ARSG: variants seen among roughly 807,000 people sequenced by gnomAD.
ARSG encodes the protein ASG.
ARSG carries 37 observed loss-of-function variants against 50.5 expected under a neutral mutation model. That is an observed-to-expected ratio of 0.73 (90% confidence interval 0.56 to 0.96). The LOEUF (loss-of-function observed/expected upper bound fraction) is 0.96, where lower values mean the gene tolerates loss of function less well. ARSG is among the 50% of genes least tolerant of loss of function. ARSG has a pLI of 0.00. For synonymous variants in ARSG, 225 were observed against 254.6 expected, an observed-to-expected ratio of 0.88 and a Z score of 1.11; for missense variants, 629 against 675.3, an observed-to-expected ratio of 0.93 and a Z score of 0.76.
the ARSG span, among the ~76,000 whole-genome samples, chr17:68,427,882 T>A: frequency 1.3e-5 from 2 of 151,964 alleles, no homozygotes; most frequent in East Asian, 3.9e-4. Context: ...GCATGAGTGC[T>A]TTTCTTTTGT....
At chr17:68,435,522 C>T in the ARSG span, 1 of 1,171,222 alleles carries the variant, frequency 8.5e-7, no homozygotes, top group South Asian at 1.3e-5. Flanking sequence ...AGAGACCAGT[C>T]AGTCTTCATG....
intron 11 of ARSG, among the ~76,000 whole-genome samples, chr17:68,416,616 T>C (rs2082380557): frequency 6.6e-6 from 1 of 152,202 alleles, no homozygotes; most frequent in Non-Finnish European, 1.5e-5. Context: ...TTCTTAGATT[T>C]GGTCGTTTAA....
At chr17:68,335,811 T>C (rs1193305203) in intron 2 of ARSG, among the ~76,000 whole-genome samples, 2 of 152,148 alleles carry the variant, frequency 1.3e-5, no homozygotes, top group Non-Finnish European at 2.9e-5. Context: ...CACAGATGCA[T>C]GGGAGTAATG....
chr17:68,406,473 G>A (rs973089186), intron 11 of ARSG, among the ~76,000 whole-genome samples: 4 of 152,132 alleles, frequency 2.6e-5, no homozygotes, highest in South Asian at 2.1e-4. Context: ...TTTCCATAGC[G>A]GCTATACTAG....
At chr17:68,298,628 TACTGTAGACTAACA>T (rs1447254965) in intron 1 of ARSG, among the ~76,000 whole-genome samples, 1 of 143,986 alleles carries the variant, frequency 6.9e-6, no homozygotes, top group Non-Finnish European at 1.5e-5. Flanking sequence ...AGAAGAACAC[TACTGTAGACTAACA>T]ACAGAAATTT....
At chr17:68,287,262 G>T (rs2075861951), upstream of ARSG, among the ~76,000 whole-genome samples, 1 of 151,794 alleles carries the variant, frequency 6.6e-6, no homozygotes, top group Non-Finnish European at 1.5e-5. Context: ...TTAAACGTTA[G>T]ATAGTATCTA....
At chr17:68,346,633 C>G in intron 3 of ARSG, 1 of 923,846 alleles carries the variant, frequency 1.1e-6, no homozygotes, top group African/African-American at 1.7e-5. Context: ...CATTTGCTGC[C>G]CCGTAGGTGT....
chr17:68,324,957 A>C (rs1307262841), intron 2 of ARSG, among the ~76,000 whole-genome samples: 1 of 152,068 alleles, frequency 6.6e-6, no homozygotes, highest in African/African-American at 2.4e-5. Flanking sequence ...TTACATAATG[A>C]AATTATCCAC....
Position 68,343,630 on chromosome 17 carries a change from C to A in ARSG, c.245C>A (p.Ser82Tyr). Reference sequence around the variant, plus strand: ...TTTGTGGATTTCCATGCAGCTGCCTCCACCTGCTCACCCTCCCGGGCTTCC... The same window carrying A: ...TTTGTGGATTTCCATGCAGCTGCCTACACCTGCTCACCCTCCCGGGCTTCC... ...MRFVDFHAAA[S>Y]TCSPSRASLL... The change falls in exon 3 of 12, where the codon TCC becomes TAC. Residue 82 changes from serine to tyrosine, a missense_variant. By Grantham distance (144) the Ser-to-Tyr change is moderately radical. Transcript: ENST00000621439. 1.2e-6 allele frequency: 2 copies of A among 1,612,908 alleles called. No homozygotes were observed. Among genetic ancestry groups the A allele is most frequent in the Non-Finnish European group, 1.7e-6 (2 of 1,179,232 alleles).
At chr17:68,438,045 CA>C in the ARSG span, among the ~76,000 whole-genome samples, 4 of 148,304 alleles carry the variant, frequency 2.7e-5, no homozygotes, top group Non-Finnish European at 4.5e-5. Context: ...AACTTTAGGT[CA>C]GGCTGAAACA....
At chr17:68,449,692 C>T in the ARSG span, among the ~76,000 whole-genome samples, 2 of 152,218 alleles carry the variant, frequency 1.3e-5, no homozygotes, top group Non-Finnish European at 2.9e-5. Context: ...TGAATCAAAG[C>T]TCCCTGAGCC....
chr17:68,400,151 G>A (rs2081411760), intron 10 of ARSG: 1 of 152,176 alleles, frequency 6.6e-6, no homozygotes, highest in Non-Finnish European at 1.5e-5. Context: ...TGGAAACTTT[G>A]AATCATGTAA....
intron 8 of ARSG, 36 bp from the exon 9 acceptor site, chr17:68,385,028 C>T (rs1396324048): frequency 1.3e-6 from 2 of 1,562,502 alleles, no homozygotes; most frequent in African/African-American, 1.4e-5. Flanking sequence ...CGAGTTATCA[C>T]CATGGATGAA....
chr17:68,387,930 T>C (rs1010206030), intron 9 of ARSG, among the ~76,000 whole-genome samples: 6 of 151,854 alleles, frequency 4.0e-5, no homozygotes, highest in Non-Finnish European at 8.8e-5. Context: ...ATGGATCCCA[T>C]TGGTTTTAGA....
At chr17:68,433,315 G>A in the ARSG span, 2 of 716,520 alleles carry the variant, frequency 2.8e-6, no homozygotes, top group South Asian at 2.0e-5. Flanking sequence ...TGCCTCCAAA[G>A]TTTTGCTAAC....
intron 2 of ARSG, among the ~76,000 whole-genome samples, chr17:68,323,705 C>T (rs1555771381): frequency 6.6e-6 from 1 of 152,160 alleles, no homozygotes; most frequent in Non-Finnish European, 1.5e-5. Flanking sequence ...GGGACACAAA[C>T]ATTCAGTCCA....
At chr17:68,377,005 G>A (rs2030341388) in intron 8 of ARSG, among the ~76,000 whole-genome samples, 1 of 151,964 alleles carries the variant, frequency 6.6e-6, no homozygotes, top group Admixed American at 6.6e-5. Context: ...GATTACAGAC[G>A]TGCACCACCA....
At chr17:68,352,142 G>GAGAGGA (rs1258816991) in intron 5 of ARSG, among the ~76,000 whole-genome samples, 2 of 84,060 alleles carry the variant, frequency 2.4e-5, no homozygotes, top group Admixed American at 1.2e-4. Flanking sequence ...GAGAGACAGA[G>GAGAGGA]GAGAGAGAGA....
the ARSG span, chr17:68,430,112 A>G: frequency 6.2e-7 from 1 of 1,614,130 alleles, no homozygotes; most frequent in South Asian, 1.1e-5. Context: ...TAGCAGCCAT[A>G]AACATCTTTC....
Sources: gnomAD v4.1 joint callset for allele counts (sites outside exome capture counted in the v4.1 genomes callset) on GRCh38, gnomAD v4.1.1 for gene constraint, MANE v1.5 for transcripts, NCBI Gene and HGNC (gene_info 2026-07-23, HGNC 2026-07-21) for gene names.